MYLK: variants seen among roughly 807,000 people sequenced by gnomAD.
MYLK encodes the protein myosin light chain kinase, smooth muscle.
A neutral mutation model predicts 203.4 loss-of-function variants in MYLK; 106 were observed. That is an observed-to-expected ratio of 0.52 (90% CI 0.45 to 0.61). The LOEUF (loss-of-function observed/expected upper bound fraction) is 0.61. Ranked by LOEUF, MYLK falls within the 20% of genes least tolerant of loss-of-function variation. The pLI, the probability that MYLK is intolerant of heterozygous loss-of-function variation, is 0.00. For synonymous variants in MYLK, 867 were observed against 959.5 expected, an observed-to-expected ratio of 0.90 and a Z score of 1.78; for missense variants, 2,072 against 2,442.3, an observed-to-expected ratio of 0.85 and a Z score of 3.20.
intron 5 of MYLK, among the ~76,000 whole-genome samples, chr3:123,745,404 C>T (rs1240031968): frequency 6.6e-6 from 1 of 152,116 alleles, no homozygotes; most frequent in East Asian, 1.9e-4. Context: ...ACCAGAATTT[C>T]TGGTTGAATA....
chr3:123,721,002 G>C (rs1366899442), intron 13 of MYLK, among the ~76,000 whole-genome samples: 1 of 152,224 alleles, frequency 6.6e-6, no homozygotes, highest in Non-Finnish European at 1.5e-5. Context: ...GATGCGCTTA[G>C]GCAAGTTACA....
At chr3:123,716,896 A>AACACAAAGAACCCATGTGGT (rs981825183) in intron 13 of MYLK, among the ~76,000 whole-genome samples, 56 of 152,330 alleles carry the variant, frequency 3.7e-4, no homozygotes, top group East Asian at 5.8e-4. Context: ...GTCTTTCTGT[A>AACACAAAGAACCCATGTGGT]ACACAAAGAA....
At chr3:123,741,574 A>G (rs1456126) in intron 5 of MYLK, among the ~76,000 whole-genome samples, 1 of 152,216 alleles carries the variant, frequency 6.6e-6, no homozygotes, top group Admixed American at 6.5e-5. Flanking sequence ...GTCCTCCTGG[A>G]AATACTTGAG....
Position 123,868,162 on chromosome 3 carries a change from G to T in MYLK, c.-127+8397C>A, listed in dbSNP as rs531727380. 3.9e-4 allele frequency among the ~76,000 whole-genome samples: 59 copies of T among 152,298 alleles called. 2 individuals are homozygous for T. In the South Asian group the frequency reaches 0.012, roughly 31 times the overall value. On this transcript the variant is annotated intron_variant, in intron 2 of 33. Coordinates refer to ENST00000360304, the MANE Select transcript of MYLK (RefSeq NM_053025.4). The stretch of plus-strand genomic sequence containing the variant: ...GAGGTTGCACAGAAGTACCACCAGT[G>T]GGAGAGAGTTCACTCTCATGGGTCT...
Position 123,612,483 on chromosome 3 carries a change from A to G in MYLK, c.*1622T>C, listed in dbSNP as rs2057271251. The G allele has an allele frequency of 6.6e-6, 1 of 152,614 alleles. No homozygotes were observed. The highest frequency in any genetic ancestry group is 1.5e-5 in the Non-Finnish European group (1 of 68,028). The allele number at this position is 152,614 out of a possible 1,614,324, so 9.5% of individuals were successfully genotyped here. A position where few individuals can be genotyped will look rare whatever the true frequency, so the allele number is the denominator to read the frequency against. ...CACACACACAACATACACGCACACA[A>G]AGGTTATATTCTGAACACAAAAGTG... is the stretch of plus-strand genomic sequence containing the variant. On this transcript the variant is annotated 3_prime_UTR_variant, in exon 34 of 34. Transcript: ENST00000360304.
intron 7 of MYLK, among the ~76,000 whole-genome samples, chr3:123,737,921 T>C (rs1406689792): frequency 6.6e-6 from 1 of 152,146 alleles, no homozygotes; most frequent in Admixed American, 6.5e-5. Context: ...TACCCACTTT[T>C]ACCCAGGCAT....
chr3:123,851,701 T>C (rs1475076644), intron 2 of MYLK, among the ~76,000 whole-genome samples: 1 of 152,150 alleles, frequency 6.6e-6, no homozygotes, highest in African/African-American at 2.4e-5. Context: ...CAGGGACAAT[T>C]TGACTTCCTC....
rs115875797 is a variant in MYLK at position 123,794,543 on chromosome 3, A to G, written c.-3-699T>C. Among the ~76,000 whole-genome samples, 1,221 of 152,228 alleles carry G rather than the reference A, an allele frequency of 8.0e-3. 19 individuals carry two copies. The highest frequency in any genetic ancestry group is 0.028 in the African/African-American group (1,171 of 41,526). ...CTCTGCTTATAACTGAAGCCCAGAGAGGGTAAGTCACTTGCCCCAGGAGAC... is the reference window on the plus strand; with the variant it reads ...CTCTGCTTATAACTGAAGCCCAGAGGGGGTAAGTCACTTGCCCCAGGAGAC... On this transcript the variant is annotated intron_variant, in intron 3 of 33. Coordinates refer to ENST00000360304, the MANE Select transcript of MYLK (RefSeq NM_053025.4).
At chr3:123,735,030 A>C (rs1454234080) in intron 9 of MYLK, 1 of 349,810 alleles carries the variant, frequency 2.9e-6, no homozygotes, top group African/African-American at 2.1e-5. Flanking sequence ...AGCCTCACAC[A>C]CAGGAAAGAG....
At chr3:123,735,510 A>T (rs2062644581) in intron 8 of MYLK, 94 bp from the exon 9 acceptor site, 1 of 1,439,454 alleles carries the variant, frequency 6.9e-7, no homozygotes, top group Admixed American at 1.7e-5. Context: ...CCGTGGTCCC[A>T]CCCTGCTGGC....
At chr3:123,779,098 A>G (rs1215668866) in intron 4 of MYLK, among the ~76,000 whole-genome samples, 1 of 152,100 alleles carries the variant, frequency 6.6e-6, no homozygotes, top group Admixed American at 6.5e-5. Flanking sequence ...TGGGGGACTG[A>G]CTGGCGCCAG....
At chr3:123,881,999 T>C (rs1291564991) in intron 1 of MYLK, among the ~76,000 whole-genome samples, 1 of 152,086 alleles carries the variant, frequency 6.6e-6, no homozygotes, top group Non-Finnish European at 1.5e-5. Flanking sequence ...AGGCAGCAGG[T>C]GGGGCCACCT....
chr3:123,842,787 T>C (rs917587264), intron 2 of MYLK, among the ~76,000 whole-genome samples: 7 of 152,248 alleles, frequency 4.6e-5, no homozygotes, highest in Non-Finnish European at 1.0e-4. Context: ...CCAGTCAGTG[T>C]TCTAAGCATA....
intron 2 of MYLK, among the ~76,000 whole-genome samples, chr3:123,861,287 A>T (rs1426054136): frequency 6.6e-6 from 1 of 152,270 alleles, no homozygotes; most frequent in African/African-American, 2.4e-5. Flanking sequence ...TAAGCTCTGC[A>T]GCGAGACAGC....
rs1559950932 is a variant in MYLK, at chr3:123,610,911, A to ATCTT, written c.*3190_*3193dup. 6.6e-6 allele frequency: 1 copy of ATCTT among 152,254 alleles called. No homozygotes were observed. Among genetic ancestry groups the ATCTT allele is most frequent in the East Asian group, 1.9e-4 (1 of 5,200 alleles). 9.4% of individuals were successfully genotyped at this position (152,254 alleles called of 1,614,324 possible). ...GTCTTATTAGTTGCATGTAGGAAATATCTTTTAATAAGATATGCAATGCAA... is the reference window on the plus strand; with the variant it reads ...GTCTTATTAGTTGCATGTAGGAAATATCTTTCTTTTAATAAGATATGCAATGCAA... On this transcript the variant is annotated 3_prime_UTR_variant, in exon 34 of 34. Coordinates refer to ENST00000360304, the MANE Select transcript of MYLK (RefSeq NM_053025.4).
chr3:123,688,107 CCT>C (rs991072290), intron 19 of MYLK, among the ~76,000 whole-genome samples: 1 of 151,206 alleles, frequency 6.6e-6, no homozygotes, highest in Non-Finnish European at 1.5e-5. Flanking sequence ...CCTGCCCCTG[CCT>C]CTCTCTCTCT....
intron 5 of MYLK, among the ~76,000 whole-genome samples, chr3:123,746,210 C>A (rs940363285): frequency 6.6e-6 from 1 of 152,076 alleles, no homozygotes; most frequent in Non-Finnish European, 1.5e-5. Context: ...TGAAGCCAGG[C>A]ATGGTGGTAC....
At chr3:123,707,588 T>C (rs1046535959) in intron 16 of MYLK, among the ~76,000 whole-genome samples, 166 bp downstream of exon 16, 10 of 152,172 alleles carry the variant, frequency 6.6e-5, no homozygotes, top group African/African-American at 2.4e-4. Flanking sequence ...TATACTGAAG[T>C]GGAAGAAGCA....
intron 23 of MYLK, among the ~76,000 whole-genome samples, chr3:123,663,742 C>T (rs983674385): frequency 2.0e-5 from 3 of 152,158 alleles, no homozygotes; most frequent in Non-Finnish European, 2.9e-5. Flanking sequence ...ATACAGACAC[C>T]TGTGGCGTAG....
Sources: allele counts gnomAD v4.1 joint callset (sites outside exome capture counted in the v4.1 genomes callset), GRCh38; gene constraint gnomAD v4.1.1; transcripts MANE v1.5; gene names NCBI Gene and HGNC (gene_info 2026-07-23, HGNC 2026-07-21).